KNTC1: variants seen among roughly 807,000 people sequenced by gnomAD.
KNTC1 encodes the protein kinetochore associated 1.
Under a neutral mutation model 314.4 loss-of-function variants are expected in KNTC1, and 253 were observed. The observed-to-expected ratio is 0.80, with a 90% confidence interval of 0.73 to 0.89. The LOEUF is 0.89. KNTC1 is among the 40% of genes least tolerant of loss of function. KNTC1 has a pLI of 0.00. For synonymous variants in KNTC1, 901 were observed against 901.4 expected, an observed-to-expected ratio of 1.00 and a Z score of 0.01; for missense variants, 2,475 against 2,572.9, an observed-to-expected ratio of 0.96 and a Z score of 0.82.
At chr12:122,559,060 G>C (rs1963798619) in intron 18 of KNTC1, among the ~76,000 whole-genome samples, 1 of 151,908 alleles carries the variant, frequency 6.6e-6, no homozygotes, top group South Asian at 2.1e-4. Flanking sequence ...AATATTTTCA[G>C]GGTTTGGGCT....
chr12:122,573,962 C>A (rs1964864572), intron 26 of KNTC1, among the ~76,000 whole-genome samples: 1 of 152,056 alleles, frequency 6.6e-6, no homozygotes, highest in Admixed American at 6.6e-5. Context: ...TATTGTGAGA[C>A]CACAGGAGCA....
rs752631611 is a variant in KNTC1 at position 122,551,557 on chromosome 12, T to C, written c.1196+34T>C. On this transcript the variant is annotated intron_variant, in intron 15 of 63. Coordinates refer to ENST00000333479, the MANE Select transcript of KNTC1 (RefSeq NM_014708.6). ...TCATTTTTTTTTAAGCTTTATCCTTTAGTGAATAACTTAAATTCCCTGAAT... is the reference window on the plus strand; with the variant it reads ...TCATTTTTTTTTAAGCTTTATCCTTCAGTGAATAACTTAAATTCCCTGAAT... 9 of 1,603,284 alleles carry C rather than the reference T, an allele frequency of 5.6e-6. No homozygotes were observed. The Admixed American group carries it at 1.3e-4, about 24-fold the overall frequency.
intron 33 of KNTC1, among the ~76,000 whole-genome samples, chr12:122,582,145 A>C (rs953330453): frequency 6.6e-6 from 1 of 152,164 alleles, no homozygotes; most frequent in Non-Finnish European, 1.5e-5. Context: ...GGCCGGGTAC[A>C]GTGGTTCATG....
chr12:122,582,502 G>C (rs538721201), intron 33 of KNTC1, among the ~76,000 whole-genome samples: 1 of 152,044 alleles, frequency 6.6e-6, no homozygotes, highest in East Asian at 1.9e-4. Flanking sequence ...GAAAAACTAC[G>C]CATCAGGTAC....
chr12:122,603,270 G>GA, intron 48 of KNTC1, 27 bp downstream of exon 48: 1 of 1,229,434 alleles, frequency 8.1e-7, no homozygotes, highest in Non-Finnish European at 1.1e-6. Context: ...TAAAATTGTA[G>GA]TTAAAAAAAA....
intron 48 of KNTC1, 40 bp from the exon 49 acceptor site, chr12:122,604,524 C>A: frequency 1.8e-6 from 2 of 1,120,954 alleles, no homozygotes; most frequent in South Asian, 1.5e-5. Flanking sequence ...TTAAGATTTG[C>A]CTGTAAATCT....
chr12:122,543,585 T>TC lies in KNTC1; in HGVS notation c.524-14dup. The TC allele has an allele frequency of 6.5e-7, 1 of 1,541,450 alleles. No homozygotes were observed. Among genetic ancestry groups the TC allele is most frequent in the Admixed American group, 2.0e-5 (1 of 50,966 alleles). ...TTAATACTATACATTTAGCCTGCTT[T>TC]CTTTTTTAATGCAGCAATTGAGAAT... On this transcript the variant is annotated splice_polypyrimidine_tract_variant and intron_variant, in intron 6 of 63. Transcript: ENST00000333479.
chr12:122,573,169 A>G lies in KNTC1; in HGVS notation c.2167A>G (p.Met723Val). ...AAATACAACCACCATAGTGTTCCGAATGTTTGATAAAGTGCTGGCCCCAGA... is the reference window on the plus strand; with the variant it reads ...AAATACAACCACCATAGTGTTCCGAGTGTTTGATAAAGTGCTGGCCCCAGA... Reference protein sequence around the residue: ...KENTTTIVFRMFDKVLAPELI... With the variant: ...KENTTTIVFRVFDKVLAPELI... Residue 723 changes from methionine (M) to valine (V), a missense_variant, in exon 26 of 64, where the codon ATG (methionine) becomes GTG (valine). Met to Val is a conservative substitution (Grantham distance 21). Coordinates refer to ENST00000333479, the MANE Select transcript of KNTC1 (RefSeq NM_014708.6). The G allele has an allele frequency of 6.2e-7, 1 of 1,613,902 alleles. No individual in the cohort carries two copies. Among genetic ancestry groups the G allele is most frequent in the Non-Finnish European group, 8.5e-7 (1 of 1,179,866 alleles).
chr12:122,557,725 CA>C, intron 18 of KNTC1, 36 bp downstream of exon 18: 3 of 1,468,270 alleles, frequency 2.0e-6, no homozygotes, highest in Non-Finnish European at 2.8e-6. Flanking sequence ...TTTTTTGGGG[CA>C]GGGGAGAATT....
intron 10 of KNTC1, among the ~76,000 whole-genome samples, chr12:122,547,185 C>T (rs958216335): frequency 6.6e-6 from 1 of 151,582 alleles, no homozygotes; most frequent in African/African-American, 2.4e-5. Flanking sequence ...GGCGTGGTGG[C>T]TAGCCTACTA....
At chr12:122,544,292 G>GT (rs1412865335) in intron 8 of KNTC1, 23 bp downstream of exon 8, 2 of 1,227,852 alleles carry the variant, frequency 1.6e-6, no homozygotes, top group Non-Finnish European at 2.3e-6. Flanking sequence ...ATAAAGTTTT[G>GT]TTTTTTGTTG....
In KNTC1 at chr12:122,597,785, C is replaced by A; in HGVS notation, c.4410C>A (p.Leu1470=). 1 of 1,614,004 alleles carries A rather than the reference C, an allele frequency of 6.2e-7. No individual in the cohort carries two copies. The highest frequency in any genetic ancestry group is 8.5e-7 in the Non-Finnish European group (1 of 1,179,896). ...AVLQLFIETL[L]HNTNAGQGQG... ...TTCAGCTCTTCATTGAAACGCTGCT[C>A]CACAACACAAATGCCGGCCAAGGCC... The change falls in exon 44 of 64, where the codon CTC becomes CTA. Residue 1470 remains leucine, a synonymous_variant. Transcript: ENST00000333479.
intron 7 of KNTC1, 34 bp downstream of exon 7, chr12:122,543,668 A>T: frequency 7.4e-7 from 1 of 1,344,162 alleles, no homozygotes; most frequent in Non-Finnish European, 1.0e-6. Flanking sequence ...CCTCTTAAAA[A>T]AATTACATTT....
intron 33 of KNTC1, among the ~76,000 whole-genome samples, chr12:122,581,075 A>G (rs1170105313): frequency 6.6e-6 from 1 of 151,404 alleles, no homozygotes; most frequent in Non-Finnish European, 1.5e-5. Context: ...GGGACTGGAG[A>G]TACTGGTTTT....
At chr12:122,590,787 G>A (rs746197087) in intron 41 of KNTC1, 52 bp downstream of exon 41, 148 of 1,554,096 alleles carry the variant, frequency 9.5e-5, no homozygotes, top group Non-Finnish European at 1.2e-4. Flanking sequence ...AAGATTGGGG[G>A]GGAGAAATGA....
intron 19 of KNTC1, among the ~76,000 whole-genome samples, 181 bp from the exon 20 acceptor site, chr12:122,562,442 TGTGTGTGTGTGTGTG>T (rs1565958221): frequency 8.7e-5 from 1 of 11,544 alleles, no homozygotes; most frequent in African/African-American, 1.1e-4. Flanking sequence ...CCATGTTTTG[TGTGTGTGTGTGTGTG>T]TGTGTGTGTG....
At chr12:122,564,268 C>T (rs886135384) in intron 20 of KNTC1, among the ~76,000 whole-genome samples, 4 of 152,112 alleles carry the variant, frequency 2.6e-5, no homozygotes, top group Non-Finnish European at 5.9e-5. Flanking sequence ...TGAGCTACTG[C>T]ACCTGGCCTT....
In KNTC1 at chr12:122,539,866, C is replaced by G. The variant is rs1236478789; in HGVS notation, c.445+112C>G. On this transcript the variant is annotated intron_variant, in intron 5 of 63. Coordinates refer to ENST00000333479, the MANE Select transcript of KNTC1 (RefSeq NM_014708.6). The stretch of plus-strand genomic sequence containing the variant: ...GCGCAATCTCAGGTCACTGGAACCA[C>G]CAGCTCCCAGGTTCAGGCGTCTCCT... 7.8e-6 allele frequency: 5 copies of G among 638,290 alleles called. No homozygotes were observed. In the Admixed American group the frequency reaches 1.6e-4, roughly 21 times the overall value. The allele number at this position is 638,290 out of a possible 1,614,324, so 39.5% of individuals were successfully genotyped here.
chr12:122,617,645 T>C (rs943624286), intron 57 of KNTC1: 9 of 194,416 alleles, frequency 4.6e-5, no homozygotes, highest in African/African-American at 2.1e-4. Context: ...TTCTGACTTT[T>C]TGCCAAATGG....
Sources: gnomAD v4.1 joint callset for allele counts (sites outside exome capture counted in the v4.1 genomes callset) on GRCh38, gnomAD v4.1.1 for gene constraint, MANE v1.5 for transcripts, NCBI Gene and HGNC (gene_info 2026-07-23, HGNC 2026-07-21) for gene names.